Variants in ATIC observed in about 807,000 individuals in gnomAD.
The protein encoded by ATIC is bifunctional purine biosynthesis protein ATIC.
ATIC carries 64 observed loss-of-function variants against 72.5 expected under a neutral mutation model. The ratio of observed to expected loss-of-function variants is 0.88; its 90% confidence interval spans 0.72 to 1.09. The LOEUF (loss-of-function observed/expected upper bound fraction) is 1.09, where lower values mean the gene tolerates loss of function less well. ATIC is among the 50% of genes least tolerant of loss of function. ATIC has a pLI of 0.00. For synonymous variants in ATIC, 281 were observed against 267.1 expected (o/e 1.05, Z -0.51); for missense variants, 787 against 732.4 (o/e 1.07, Z -0.86).
chr2:215,322,333 T>C (rs6714224), intron 4 of ATIC, among the ~76,000 whole-genome samples: 38,390 of 149,198 alleles, frequency 0.26, 5,780 homozygotes, highest in South Asian at 0.47. Flanking sequence ...TTCTTTCTTT[T>C]TTTTTTTTTT....
chr2:215,366,466 AAAACAAAAGC>A, the ATIC span, among the ~76,000 whole-genome samples: 5 of 152,204 alleles, frequency 3.3e-5, no homozygotes, highest in South Asian at 1.0e-3. Flanking sequence ...CGGATAAAAT[AAAACAAAAGC>A]AAACAAAATG....
At chr2:215,328,423 C>A (rs916078732) in intron 7 of ATIC, among the ~76,000 whole-genome samples, 2 of 152,128 alleles carry the variant, frequency 1.3e-5, no homozygotes, top group Admixed American at 6.6e-5. Flanking sequence ...TATCTGCCCC[C>A]TCAGCAGCTC....
At chr2:215,331,438 A>G (rs1051114562) in intron 7 of ATIC, among the ~76,000 whole-genome samples, 2 of 141,872 alleles carry the variant, frequency 1.4e-5, no homozygotes, top group African/African-American at 5.3e-5. Context: ...GCTGGAGTGC[A>G]GTGGCGCGGT....
At chr2:215,335,066 T>TA in intron 10 of ATIC, 62 bp downstream of exon 10, 1 of 1,205,826 alleles carries the variant, frequency 8.3e-7, no homozygotes, top group South Asian at 1.3e-5. Flanking sequence ...GTTCATAATG[T>TA]TAATTGAAAC....
intron 7 of ATIC, 130 bp from the exon 8 acceptor site, chr2:215,332,252 T>G (rs1208801608): frequency 3.8e-6 from 5 of 1,310,330 alleles, no homozygotes; most frequent in Admixed American, 1.8e-5. Flanking sequence ...ATTTTATGTT[T>G]GTGTGTATCT....
the ATIC span, chr2:215,362,581 TG>T: frequency 6.0e-6 from 1 of 166,830 alleles, no homozygotes; most frequent in East Asian, 1.6e-4. Flanking sequence ...GCCCAGGAGG[TG>T]GGGTGACCTG....
chr2:215,346,922 T>C lies in ATIC; in HGVS notation c.1484T>C (p.Val495Ala). Residue 495 changes from valine (V) to alanine (A), a missense_variant, in exon 14 of 16, where the codon GTG (valine) becomes GCG (alanine). Transcript: ENST00000236959. ...AEISNAIDQY[V>A]TGTIGEDEDL... The stretch of plus-strand genomic sequence containing the variant: ...ATCTCCAATGCCATCGATCAATATG[T>C]GACTGGAACCATTGGCGAGGTGAAA... The C allele has an allele frequency of 1.9e-6, 3 of 1,614,202 alleles. No homozygotes were observed. Among genetic ancestry groups the C allele is most frequent in the Non-Finnish European group, 2.5e-6 (3 of 1,180,034 alleles).
chr2:215,352,043 T>C (rs184114996), downstream of ATIC, among the ~76,000 whole-genome samples: 2 of 152,074 alleles, frequency 1.3e-5, no homozygotes, highest in African/African-American at 4.8e-5. Flanking sequence ...AAGAGAAGCA[T>C]GAGAAACTTT....
chr2:215,315,500 C>G (rs4672764), intron 2 of ATIC, among the ~76,000 whole-genome samples: 142,098 of 152,218 alleles, frequency 0.93, 67,103 homozygotes, highest in East Asian at 1. Context: ...GGGACTACAG[C>G]TGCACACCAG....
Position 215,319,566 on chromosome 2 carries a change from A to G in ATIC, c.224-99A>G, listed in dbSNP as rs1049367176. ...AAAAAAATAAATTTTTTTTTTAATCAATGGGATTTAATTTGATTGAAGACA... is the reference window on the plus strand; with the variant it reads ...AAAAAAATAAATTTTTTTTTTAATCGATGGGATTTAATTTGATTGAAGACA... On this transcript the variant is annotated intron_variant, in intron 3 of 15. Coordinates refer to ENST00000236959, the MANE Select transcript of ATIC (RefSeq NM_004044.7). The G allele has an allele frequency of 8.8e-6, 8 of 911,590 alleles. No individual in the cohort carries two copies. In the African/African-American group the frequency reaches 1.2e-4, roughly 13 times the overall value. 56.5% of individuals were successfully genotyped at this position (911,590 alleles called of 1,614,324 possible). A position where few individuals can be genotyped will look rare whatever the true frequency, so the allele number is the denominator to read the frequency against.
chr2:215,319,728 T>A lies in ATIC; in HGVS notation c.287T>A (p.Ile96Lys). 6.2e-7 allele frequency: 1 copy of A among 1,606,354 alleles called. No homozygotes were observed. The highest frequency in any genetic ancestry group is 8.5e-7 in the Non-Finnish European group (1 of 1,172,948). Residue 96 changes from isoleucine to lysine, a missense_variant, in exon 4 of 16, where the codon ATA becomes AAA. By Grantham distance (102) the Ile-to-Lys change is moderately radical. Coordinates refer to ENST00000236959, the MANE Select transcript of ATIC (RefSeq NM_004044.7). ...ATGGCCAGACTTGATTTCAATCTTA[T>A]AAGGTAAAAACCTGAAATTAAACTT... The part of the protein sequence containing the change: ...ADMARLDFNL[I>K]RVVACNLYPF...
intron 4 of ATIC, among the ~76,000 whole-genome samples, chr2:215,319,937 C>G (rs535344945): frequency 6.6e-6 from 1 of 152,206 alleles, no homozygotes; most frequent in South Asian, 2.1e-4. Flanking sequence ...CAATCTAAAT[C>G]TTAGTATGTA....
Position 215,349,156 on chromosome 2 carries a change from AGAG to A in ATIC, c.1567_1569del (p.Glu523del), listed in dbSNP as rs755822606. Reference sequence around the variant, plus strand: ...AAGTCCCTGAGTTACTCACTGAGGCAGAGAAGAAGGAATGGGTTGAGAAACTGA... The same window carrying A: ...AAGTCCCTGAGTTACTCACTGAGGCAAAGAAGGAATGGGTTGAGAAACTGA... On this transcript the variant is annotated inframe_deletion, in exon 15 of 16. Transcript: ENST00000236959. The A allele has an allele frequency of 3.1e-6, 5 of 1,614,034 alleles. No homozygotes were observed. The South Asian group carries it at 5.5e-5, about 18-fold the overall frequency.
chr2:215,323,405 A>C (rs1470431182), intron 4 of ATIC, among the ~76,000 whole-genome samples: 2 of 152,212 alleles, frequency 1.3e-5, no homozygotes, highest in African/African-American at 4.8e-5. Flanking sequence ...AAATGTTACC[A>C]TCCTAAGAAT....
intron 2 of ATIC, among the ~76,000 whole-genome samples, chr2:215,313,190 A>G (rs1332863861): frequency 6.6e-6 from 1 of 152,200 alleles, no homozygotes; most frequent in Non-Finnish European, 1.5e-5. Flanking sequence ...TGATTTTAGG[A>G]CACTAGTCTT....
At chr2:215,313,357 T>A (rs902740028) in intron 2 of ATIC, among the ~76,000 whole-genome samples, 1 of 152,150 alleles carries the variant, frequency 6.6e-6, no homozygotes, top group Non-Finnish European at 1.5e-5. Flanking sequence ...AAGGTGCAAA[T>A]CATTCATTCC....
intron 12 of ATIC, among the ~76,000 whole-genome samples, chr2:215,342,638 T>C (rs2053031373): frequency 6.6e-6 from 1 of 152,242 alleles, no homozygotes; most frequent in South Asian, 2.1e-4. Flanking sequence ...TTTTCATTCA[T>C]CGTGCATTCA....
At chr2:215,315,824 G>A (rs537493976) in intron 2 of ATIC, among the ~76,000 whole-genome samples, 23 of 151,692 alleles carry the variant, frequency 1.5e-4, no homozygotes, top group East Asian at 1.4e-3. Flanking sequence ...GTGTGGTGGC[G>A]TGCACCTGTA....
intron 13 of ATIC, among the ~76,000 whole-genome samples, chr2:215,345,795 G>C (rs1240280243): frequency 6.6e-6 from 1 of 152,200 alleles, no homozygotes. Flanking sequence ...TGAGGAGGAG[G>C]CGGCTGCCCA....
Sources: gnomAD v4.1 joint callset for allele counts (sites outside exome capture counted in the v4.1 genomes callset) on GRCh38, gnomAD v4.1.1 for gene constraint, MANE v1.5 for transcripts, NCBI Gene and HGNC (gene_info 2026-07-23, HGNC 2026-07-21) for gene names.